Variants in TEAD1 observed in about 807,000 individuals in gnomAD.
TEAD1 encodes the protein TEA domain transcription factor 1, also known as transcriptional enhancer factor TEF-1.
A neutral mutation model predicts 54.9 loss-of-function variants in TEAD1; 9 were observed. The observed-to-expected ratio is 0.16, with a 90% CI of 0.10 to 0.29. The LOEUF (loss-of-function observed/expected upper bound fraction) is 0.29. TEAD1 is among the 10% of genes least tolerant of loss of function. The pLI is 1.00. For missense variants in TEAD1, 387 were observed against 535.9 expected, an observed-to-expected ratio of 0.72 and a Z score of 2.74; for synonymous variants, 200 against 187.8, an observed-to-expected ratio of 1.07 and a Z score of -0.53.
At chr11:12,791,460 T>G (rs573429388) in intron 3 of TEAD1, among the ~76,000 whole-genome samples, 1 of 152,332 alleles carries the variant, frequency 6.6e-6, no homozygotes, top group African/African-American at 2.4e-5. Context: ...CTGGGATATC[T>G]CTAGAATGCA....
intron 5 of TEAD1, among the ~76,000 whole-genome samples, chr11:12,866,769 T>C (rs757584985): frequency 1.8e-4 from 27 of 152,146 alleles, no homozygotes; most frequent in Non-Finnish European, 2.8e-4. Flanking sequence ...CTTGGAAAAA[T>C]GGAGTCCTTT....
At chr11:12,881,773 C>T (rs2134097494) in intron 7 of TEAD1, 123 bp from the exon 8 acceptor site, 1 of 960,914 alleles carries the variant, frequency 1.0e-6, no homozygotes, top group African/African-American at 1.6e-5. Flanking sequence ...GGTGTGCTAC[C>T]ACCTGCAGGC....
intron 10 of TEAD1, among the ~76,000 whole-genome samples, chr11:12,921,618 A>G (rs975732400): frequency 4.6e-5 from 7 of 152,198 alleles, no homozygotes; most frequent in African/African-American, 1.7e-4. Flanking sequence ...GCCACCATAA[A>G]GCACCTGAAC....
intron 2 of TEAD1, among the ~76,000 whole-genome samples, chr11:12,693,882 G>A (rs888724549): frequency 6.6e-6 from 1 of 152,204 alleles, no homozygotes; most frequent in African/African-American, 2.4e-5. Flanking sequence ...GGAAATCCAG[G>A]CTTCAATAAC....
At chr11:12,768,758 T>A (rs775561446) in intron 3 of TEAD1, among the ~76,000 whole-genome samples, 27 of 152,192 alleles carry the variant, frequency 1.8e-4, no homozygotes, top group Admixed American at 1.2e-3. Flanking sequence ...CAGACAGACA[T>A]GGTCCCTGCC....
chr11:12,782,755 A>G (rs546910064), intron 3 of TEAD1, among the ~76,000 whole-genome samples: 33 of 152,236 alleles, frequency 2.2e-4, no homozygotes, highest in Non-Finnish European at 4.0e-4. Context: ...GAGCACGTTT[A>G]TAGTAGCAAA....
At chr11:12,861,842 T>A (rs1484947422) in intron 3 of TEAD1, among the ~76,000 whole-genome samples, 1 of 152,126 alleles carries the variant, frequency 6.6e-6, no homozygotes, top group African/African-American at 2.4e-5. Context: ...CAAAATTAGC[T>A]GGGCGTGATG....
At chr11:12,688,557 T>G (rs1368482258) in intron 2 of TEAD1, among the ~76,000 whole-genome samples, 1 of 152,198 alleles carries the variant, frequency 6.6e-6, no homozygotes, top group Non-Finnish European at 1.5e-5. Context: ...GTTGGCTGTT[T>G]TGGTGTTGTC....
chr11:12,811,208 C>T lies in TEAD1; in HGVS notation c.202+46774C>T, dbSNP rs139382791. On this transcript the variant is annotated intron_variant, in intron 3 of 12. Coordinates refer to ENST00000527636, the MANE Select transcript of TEAD1 (RefSeq NM_021961.6). ...CTGCTGGGAAAGTAAAGCTTTCTTT[C>T]GCTGAAGCTTTCAGAAGAGAATCAC... is the stretch of plus-strand genomic sequence containing the variant. Among the ~76,000 whole-genome samples, 337 of 152,312 alleles carry T rather than the reference C, an allele frequency of 2.2e-3. 1 individual carries two copies. Among genetic ancestry groups the T allele is most frequent in the African/African-American group, 7.6e-3 (314 of 41,562 alleles).
intron 3 of TEAD1, among the ~76,000 whole-genome samples, chr11:12,791,020 T>A (rs1257495132): frequency 6.6e-6 from 1 of 152,246 alleles, no homozygotes; most frequent in Admixed American, 6.5e-5. Context: ...TGAAAACATA[T>A]GTCCACGCAA....
chr11:12,821,960 C>CTTTTTTTTTTTTTTTTTTTT (rs1590184847), intron 3 of TEAD1, among the ~76,000 whole-genome samples: 1 of 38,310 alleles, frequency 2.6e-5, no homozygotes, highest in Non-Finnish European at 4.5e-5. Flanking sequence ...TTTCTCTTTT[C>CTTTTTTTTTTTTTTTTTTTT]CTTTTTTTTT....
chr11:12,862,052 A>C (rs1010781330), intron 3 of TEAD1, among the ~76,000 whole-genome samples, 198 bp from the exon 4 acceptor site: 2 of 151,456 alleles, frequency 1.3e-5, no homozygotes, highest in Admixed American at 6.6e-5. Context: ...TCTAAGTTCA[A>C]ATTTAAATGC....
chr11:12,706,768 C>T (rs906928302), intron 2 of TEAD1, among the ~76,000 whole-genome samples: 1 of 152,188 alleles, frequency 6.6e-6, no homozygotes, highest in Non-Finnish European at 1.5e-5. Context: ...ACATGTCCTT[C>T]TACGGTTCAT....
chr11:12,884,006 AAAAG>A (rs1311261868), intron 9 of TEAD1, among the ~76,000 whole-genome samples: 85 of 152,124 alleles, frequency 5.6e-4, no homozygotes, highest in African/African-American at 1.7e-3. Context: ...AAAAAAAAAA[AAAAG>A]AAGAAGTAAC....
At chr11:12,850,371 G>A (rs1947249764) in intron 3 of TEAD1, among the ~76,000 whole-genome samples, 2 of 152,188 alleles carry the variant, frequency 1.3e-5, no homozygotes, top group South Asian at 2.1e-4. Context: ...GGGAGGCGGA[G>A]GCTGCAGTGA....
chr11:12,846,421 G>A (rs773901897), intron 3 of TEAD1, among the ~76,000 whole-genome samples: 1 of 152,152 alleles, frequency 6.6e-6, no homozygotes, highest in Non-Finnish European at 1.5e-5. Flanking sequence ...TCCACACAAG[G>A]GTTTGCTGGA....
intron 3 of TEAD1, among the ~76,000 whole-genome samples, chr11:12,787,456 A>T (rs1945702384): frequency 6.6e-6 from 1 of 152,202 alleles, no homozygotes; most frequent in South Asian, 2.1e-4. Context: ...GGTGTCACAT[A>T]CCTGGAGCTT....
intron 3 of TEAD1, among the ~76,000 whole-genome samples, chr11:12,829,121 CAGAGAAACTCCCCA>C (rs1946718340): frequency 6.6e-6 from 1 of 152,068 alleles, no homozygotes; most frequent in South Asian, 2.1e-4. Flanking sequence ...GGCTCTGATC[CAGAGAAACTCCCCA>C]AGACGGAAGT....
At chr11:12,805,047 C>A (rs1946139951) in intron 3 of TEAD1, among the ~76,000 whole-genome samples, 1 of 152,126 alleles carries the variant, frequency 6.6e-6, no homozygotes, top group East Asian at 1.9e-4. Context: ...AAAAGATATT[C>A]TTCACAGTCC....
Sources: gnomAD v4.1 joint callset for allele counts (sites outside exome capture counted in the v4.1 genomes callset) on GRCh38, gnomAD v4.1.1 for gene constraint, MANE v1.5 for transcripts, NCBI Gene and HGNC (gene_info 2026-07-23, HGNC 2026-07-21) for gene names.